Variants in PPM1D observed in about 807,000 individuals in gnomAD.
The protein encoded by PPM1D is protein phosphatase 1D.
PPM1D carries 52 observed loss-of-function variants against 58.3 expected under a neutral mutation model. The ratio of observed to expected loss-of-function variants is 0.89; its 90% CI spans 0.71 to 1.12. The LOEUF is 1.12. PPM1D is among the 50% of genes most tolerant of loss of function. PPM1D has a pLI of 0.00. For missense variants in PPM1D, 564 were observed against 777.2 expected, an observed-to-expected ratio of 0.73 and a Z score of 3.26; for synonymous variants, 278 against 285.1, an observed-to-expected ratio of 0.98 and a Z score of 0.25.
chr17:60,600,617 C>T lies in PPM1D; in HGVS notation c.203C>T (p.Pro68Leu), dbSNP rs759311325. 1.3e-6 allele frequency: 2 copies of T among 1,560,396 alleles called. No homozygotes were observed. The highest frequency in any genetic ancestry group is 1.4e-5 in the African/African-American group (1 of 73,124). Residue 68 changes from proline (P) to leucine (L), a missense_variant, in exon 1 of 6, where the codon CCA becomes CTA. This residue lies in a region of PPM1D where 132 missense variants were observed against 150.4 expected (regional missense o/e 0.88). Coordinates refer to ENST00000305921, the MANE Select transcript of PPM1D (RefSeq NM_003620.4). ...LPGGEVSGKG[P>L]AVAAREARDP... The stretch of plus-strand genomic sequence containing the variant: ...GGCGGCGAAGTCTCGGGGAAAGGCC[C>T]AGCGGTGGCAGCCCGAGAGGCTCGC...
At chr17:60,629,132 T>C (rs894913675) in intron 2 of PPM1D, among the ~76,000 whole-genome samples, 1 of 152,224 alleles carries the variant, frequency 6.6e-6, no homozygotes, top group African/African-American at 2.4e-5. Context: ...ACCTCTGTTG[T>C]AAGACAGCAT....
At chr17:60,659,026 G>A (rs1036912734) in intron 5 of PPM1D, among the ~76,000 whole-genome samples, 1 of 152,158 alleles carries the variant, frequency 6.6e-6, no homozygotes, top group Non-Finnish European at 1.5e-5. Flanking sequence ...ATAAGAAGAC[G>A]TATGTTTGCC....
chr17:60,628,092 C>A (rs2030847094), intron 2 of PPM1D, among the ~76,000 whole-genome samples: 1 of 152,244 alleles, frequency 6.6e-6, no homozygotes, highest in Admixed American at 6.5e-5. Flanking sequence ...AGGCGATCCA[C>A]CTGCCTTGGC....
rs746709900 is a variant in PPM1D at position 60,626,355 on chromosome 17, TA to T, written c.701+2612del. Among the ~76,000 whole-genome samples the T allele has an allele frequency of 7.8e-4, 119 of 152,012 alleles. No individual in the cohort carries two copies. In the Middle Eastern group the frequency reaches 0.024, roughly 30 times the overall value. On this transcript the variant is annotated intron_variant, in intron 2 of 5. Transcript: ENST00000305921. ...TTTTGATCATATCCAGTTTCAGGTT[TA>T]AAAAAGAGGTGTCTCAATGATGTGT...
chr17:60,612,707 G>C (rs1383107587), intron 1 of PPM1D, among the ~76,000 whole-genome samples: 1 of 151,994 alleles, frequency 6.6e-6, no homozygotes, highest in Non-Finnish European at 1.5e-5. Context: ...GTTTCATCAG[G>C]GTCTTGCTGC....
intron 3 of PPM1D, among the ~76,000 whole-genome samples, chr17:60,642,704 G>A (rs928948018): frequency 1.3e-5 from 2 of 152,098 alleles, no homozygotes; most frequent in East Asian, 1.9e-4. Context: ...TGATCCACCA[G>A]CCTGGGCCTC....
At chr17:60,662,021 G>T (rs1482167533) in intron 5 of PPM1D, among the ~76,000 whole-genome samples, 2 of 151,852 alleles carry the variant, frequency 1.3e-5, no homozygotes, top group Non-Finnish European at 2.9e-5. Context: ...TTGTGAGACG[G>T]AGTCTCACTC....
rs150723086 is a variant in PPM1D, at chr17:60,647,280, C to T, written c.827-612C>T. The stretch of plus-strand genomic sequence containing the variant: ...GTTTCAAAATAGAATCTATAATCTT[C>T]ATAACAGGCATGTATACCGTTTGTT... On this transcript the variant is annotated intron_variant, in intron 3 of 5. Coordinates refer to ENST00000305921, the MANE Select transcript of PPM1D (RefSeq NM_003620.4). Among the ~76,000 whole-genome samples the T allele has an allele frequency of 9.1e-4, 139 of 152,270 alleles. 6 individuals are homozygous for T. The South Asian group carries it at 0.028, about 31-fold the overall frequency.
intron 1 of PPM1D, among the ~76,000 whole-genome samples, chr17:60,615,683 T>G (rs913812853): frequency 4.0e-5 from 6 of 151,030 alleles, no homozygotes; most frequent in African/African-American, 1.5e-4. Flanking sequence ...TACTTTTTTT[T>G]TTTTTTTTTT....
chr17:60,657,013 G>C, intron 5 of PPM1D, 172 bp downstream of exon 5: 1 of 1,538,332 alleles, frequency 6.5e-7, no homozygotes, highest in Non-Finnish European at 8.7e-7. Flanking sequence ...TAATCTGAAT[G>C]CCAGCCATGT....
intron 1 of PPM1D, among the ~76,000 whole-genome samples, chr17:60,621,422 TCTCA>T (rs1422390151): frequency 2.0e-5 from 3 of 151,964 alleles, no homozygotes; most frequent in Non-Finnish European, 2.9e-5. Flanking sequence ...TGAGACAGGA[TCTCA>T]CTCTGTTGGC....
In PPM1D at chr17:60,623,800, T is replaced by C. The variant is rs776423584; in HGVS notation, c.701+51T>C. 6 of 1,539,048 alleles carry C rather than the reference T, an allele frequency of 3.9e-6. No homozygotes were observed. The Admixed American group carries it at 5.5e-5, about 14-fold the overall frequency. On this transcript the variant is annotated intron_variant, in intron 2 of 5. Transcript: ENST00000305921. The stretch of plus-strand genomic sequence containing the variant: ...CTCTTTTGGTTCTATTTAGTCCTTT[T>C]ATGCTTTACTAATGAAATTGACCTA...
At chr17:60,631,914 C>T (rs2030929426) in intron 2 of PPM1D, among the ~76,000 whole-genome samples, 2 of 152,138 alleles carry the variant, frequency 1.3e-5, no homozygotes, top group African/African-American at 2.4e-5. Flanking sequence ...CGCGGTGGCT[C>T]ACGCCTGTAA....
At position 60,663,317 on chromosome 17, in the gene PPM1D, GA is replaced by G; in HGVS notation, c.1585del (p.Thr529ProfsTer10). The G allele has an allele frequency of 6.2e-7, 1 of 1,614,152 alleles. No homozygotes were observed. The highest frequency in any genetic ancestry group is 8.5e-7 in the Non-Finnish European group (1 of 1,180,028). On this transcript the variant is annotated frameshift_variant, in exon 6 of 6. Transcript: ENST00000305921. LOFTEE classifies it high-confidence loss of function. ...PGQMKAQEIE[R>X]TPPTNFKRTL... is the part of the protein sequence containing the mutation. ...CAAATGAAAGCCCAAGAAATTGAAA[GA>G]ACCCCTCCAACAAACTTTAAAAGGA...
At chr17:60,609,321 C>T (rs2030404766) in intron 1 of PPM1D, among the ~76,000 whole-genome samples, 2 of 151,992 alleles carry the variant, frequency 1.3e-5, no homozygotes, top group South Asian at 2.1e-4. Context: ...TCTCGAACTC[C>T]TGACCTCGTG....
chr17:60,643,570 A>G (rs895845588), intron 3 of PPM1D, among the ~76,000 whole-genome samples: 6 of 152,206 alleles, frequency 3.9e-5, no homozygotes, highest in Admixed American at 6.5e-5. Flanking sequence ...GGTACAGAAC[A>G]GGATATTTCA....
chr17:60,600,286 G>T lies in PPM1D; in HGVS notation c.-129G>T, dbSNP rs1030308178. ...AGACATCGCGCGCCCCCCCTTCTCC[G>T]GGTCCGCCCCCTCCCCCTTCTCGGC... On this transcript the variant is annotated 5_prime_UTR_variant, in exon 1 of 6. Transcript: ENST00000305921. The T allele has an allele frequency of 7.0e-6, 10 of 1,434,446 alleles. No individual in the cohort carries two copies. In the African/African-American group the frequency reaches 7.4e-5, roughly 11 times the overall value. 88.9% of individuals were successfully genotyped at this position (1,434,446 alleles called of 1,614,324 possible).
intron 1 of PPM1D, among the ~76,000 whole-genome samples, chr17:60,623,224 C>T (rs1463075611): frequency 2.0e-5 from 3 of 152,108 alleles, no homozygotes; most frequent in Non-Finnish European, 4.4e-5. Flanking sequence ...ACATTCTTTC[C>T]TATCAATGTA....
chr17:60,607,342 G>A (rs1167430003), intron 1 of PPM1D, among the ~76,000 whole-genome samples: 1 of 152,104 alleles, frequency 6.6e-6, no homozygotes. Flanking sequence ...GAGTGCAATG[G>A]TGCGATCTCA....
Sources: gnomAD v4.1 joint callset for allele counts (sites outside exome capture counted in the v4.1 genomes callset) on GRCh38, gnomAD v4.1.1 for gene constraint, gnomAD v4.1.1 regional missense constraint, MANE v1.5 for transcripts, NCBI Gene and HGNC (gene_info 2026-07-23, HGNC 2026-07-21) for gene names.